SUCLA2: variants seen among roughly 807,000 people sequenced by gnomAD.
The protein encoded by SUCLA2 is succinate-CoA ligase ADP-forming subunit beta, also known as succinate--CoA ligase [ADP-forming] subunit beta, mitochondrial.
SUCLA2 carries 30 observed loss-of-function variants against 54.8 expected under a neutral mutation model. That is an observed-to-expected ratio of 0.55 (90% CI 0.41 to 0.74). The LOEUF is 0.74. Among genes scored for constraint, SUCLA2 ranks in the 30% least tolerant of loss-of-function variants. The pLI, the probability that SUCLA2 is intolerant of heterozygous loss-of-function variation, is 0.00. For missense variants in SUCLA2, 476 were observed against 562.9 expected (o/e 0.85, Z 1.56); for synonymous variants, 172 against 188.9 (o/e 0.91, Z 0.74).
At chr13:47,949,261 AC>A (rs1441619676) in intron 9 of SUCLA2, among the ~76,000 whole-genome samples, 1 of 152,238 alleles carries the variant, frequency 6.6e-6, no homozygotes, top group Non-Finnish European at 1.5e-5. Flanking sequence ...AGAATTCAAG[AC>A]AAATCACAAC....
At chr13:47,951,830 G>A (rs549493494) in intron 8 of SUCLA2, among the ~76,000 whole-genome samples, 186 of 151,876 alleles carry the variant, frequency 1.2e-3, no homozygotes, top group African/African-American at 3.4e-3. Flanking sequence ...CACCCCTCTA[G>A]CTACATTCAC....
chr13:48,000,855 C>A, intron 1 of SUCLA2: 1 of 1,173,416 alleles, frequency 8.5e-7, no homozygotes, highest in Non-Finnish European at 1.1e-6. Context: ...TGCCAGACGC[C>A]GGAATGGCAG....
intron 4 of SUCLA2, 162 bp downstream of exon 4, chr13:47,988,376 TAAA>T (rs1950121476): frequency 1.4e-6 from 1 of 737,880 alleles, no homozygotes; most frequent in Non-Finnish European, 2.1e-6. Context: ...TTTACGGCAT[TAAA>T]GAAGCTGTTT....
intron 1 of SUCLA2, among the ~76,000 whole-genome samples, chr13:47,997,833 T>C (rs1250545531): frequency 6.6e-6 from 1 of 152,242 alleles, no homozygotes; most frequent in Non-Finnish European, 1.5e-5. Flanking sequence ...AGTAGGTTCA[T>C]AAGCTTTTGC....
intron 10 of SUCLA2, among the ~76,000 whole-genome samples, chr13:47,943,781 T>TATATATATATATATATA (rs879516106): frequency 2.0e-5 from 3 of 147,584 alleles, no homozygotes; most frequent in African/African-American, 5.0e-5. Context: ...TATATATATA[T>TATATATATATATATATA]TATTCTAAAT....
chr13:47,957,871 C>G (rs1949834577), intron 6 of SUCLA2, among the ~76,000 whole-genome samples: 1 of 152,172 alleles, frequency 6.6e-6, no homozygotes, highest in African/African-American at 2.4e-5. Context: ...GAGGAAGCAC[C>G]TCAAGTGTGT....
At position 47,973,574 on chromosome 13, in the gene SUCLA2, T is replaced by G. The variant is rs529900638; in HGVS notation, c.535-182A>C. Among the ~76,000 whole-genome samples the G allele has an allele frequency of 2.6e-5, 4 of 152,188 alleles. No individual in the cohort carries two copies. In the East Asian group the frequency reaches 7.7e-4, roughly 29 times the overall value. ...CAGTGCCCTCTTATAAATATTCAATTAAAGCAATGGATAAAAAAGTAAAAA... is the reference window on the plus strand; with the variant it reads ...CAGTGCCCTCTTATAAATATTCAATGAAAGCAATGGATAAAAAAGTAAAAA... On this transcript the variant is annotated intron_variant, in intron 4 of 10. Transcript: ENST00000646932.
chr13:47,996,730 A>G, intron 2 of SUCLA2, 113 bp downstream of exon 2: 1 of 938,664 alleles, frequency 1.1e-6, no homozygotes, highest in Non-Finnish European at 1.6e-6. Flanking sequence ...TTAAGCAAAG[A>G]AAATGTATTT....
At chr13:47,957,526 C>G (rs1163399789) in intron 6 of SUCLA2, among the ~76,000 whole-genome samples, 1 of 152,150 alleles carries the variant, frequency 6.6e-6, no homozygotes, top group African/African-American at 2.4e-5. Context: ...CAACCACATT[C>G]CTGATTGCCT....
At chr13:47,982,054 T>A (rs534519477) in intron 4 of SUCLA2, among the ~76,000 whole-genome samples, 1 of 152,210 alleles carries the variant, frequency 6.6e-6, no homozygotes, top group African/African-American at 2.4e-5. Flanking sequence ...CTCAAAAAAA[T>A]TAAAAATAGA....
At position 47,988,673 on chromosome 13, in the gene SUCLA2, T is replaced by C; in HGVS notation, c.402A>G (p.Gln134=). ...SPEEAKAVSS[Q]MIGKKLFTKQ... The stretch of plus-strand genomic sequence containing the variant: ...TGGTAAACAATTTTTTCCCAATCAT[T>C]TGTGAAGAAACAGCTTTTGCTTCTT... The change falls in exon 4 of 11, where the codon CAA becomes CAG. Residue 134 remains glutamine, a synonymous_variant. Transcript: ENST00000646932. 1 of 1,613,890 alleles carries C rather than the reference T, an allele frequency of 6.2e-7. No homozygotes were observed. Among genetic ancestry groups the C allele is most frequent in the Non-Finnish European group, 8.5e-7 (1 of 1,179,920 alleles).
intron 4 of SUCLA2, among the ~76,000 whole-genome samples, chr13:47,975,162 TTTC>T (rs1342416505): frequency 2.0e-5 from 3 of 146,768 alleles, no homozygotes; most frequent in Admixed American, 2.0e-4. Flanking sequence ...CTTTCTTTCT[TTTC>T]TTTTTTTTTT....
In SUCLA2 at chr13:47,973,487, A is replaced by G. The variant is rs1949984849; in HGVS notation, c.535-95T>C. On this transcript the variant is annotated intron_variant, in intron 4 of 10. Transcript: ENST00000646932. The stretch of plus-strand genomic sequence containing the variant: ...CCCGTGCATAATATCAGATGTAAGC[A>G]TCTATTACTCTCTACCCACATTTTA... 2.2e-6 allele frequency: 3 copies of G among 1,383,140 alleles called. No homozygotes were observed. The South Asian group carries it at 3.5e-5, about 16-fold the overall frequency. 85.7% of individuals were successfully genotyped at this position (1,383,140 alleles called of 1,614,324 possible).
At chr13:47,962,136 G>C (rs779034947) in intron 6 of SUCLA2, among the ~76,000 whole-genome samples, 2 of 151,922 alleles carry the variant, frequency 1.3e-5, no homozygotes, top group East Asian at 3.9e-4. Flanking sequence ...TCTTTTGTTT[G>C]TTTTTTGTTT....
chr13:47,989,171 G>C (rs977493604), intron 2 of SUCLA2, among the ~76,000 whole-genome samples, 190 bp from the exon 3 acceptor site: 3 of 151,582 alleles, frequency 2.0e-5, no homozygotes, highest in African/African-American at 7.3e-5. Flanking sequence ...CTGTCTAAAA[G>C]GCCCACAATT....
chr13:47,999,743 TA>T (rs1950216031), intron 1 of SUCLA2, among the ~76,000 whole-genome samples: 1 of 151,736 alleles, frequency 6.6e-6, no homozygotes, highest in South Asian at 2.1e-4. Flanking sequence ...AACAAATTGC[TA>T]AATTAAATGT....
intron 6 of SUCLA2, among the ~76,000 whole-genome samples, chr13:47,957,581 A>G (rs1350007007): frequency 2.0e-5 from 3 of 152,206 alleles, no homozygotes; most frequent in Non-Finnish European, 4.4e-5. Context: ...GATATAGGTA[A>G]GTGTCCCTTA....
chr13:47,988,148 C>A lies in SUCLA2; in HGVS notation c.534+393G>T. 3.6e-5 allele frequency: 7 copies of A among 193,828 alleles called. No homozygotes were observed. The South Asian group carries it at 5.4e-4, about 15-fold the overall frequency. 12.0% of individuals were successfully genotyped at this position (193,828 alleles called of 1,614,324 possible). A position where few individuals can be genotyped will look rare whatever the true frequency, so the allele number is the denominator to read the frequency against. ...AAACAAACCCAAGAAGTTGAGAAAACAGAAGATGAGGCAATGGATACACAT... is the reference window on the plus strand; with the variant it reads ...AAACAAACCCAAGAAGTTGAGAAAAAAGAAGATGAGGCAATGGATACACAT... On this transcript the variant is annotated intron_variant, in intron 4 of 10. Coordinates refer to ENST00000646932, the MANE Select transcript of SUCLA2 (RefSeq NM_003850.3).
chr13:47,999,787 C>T (rs940770258), intron 1 of SUCLA2, among the ~76,000 whole-genome samples: 1 of 151,590 alleles, frequency 6.6e-6, no homozygotes, highest in Non-Finnish European at 1.5e-5. Context: ...AGACTCCGTA[C>T]TTCTATGTCC....
Sources: allele counts gnomAD v4.1 joint callset (sites outside exome capture counted in the v4.1 genomes callset), GRCh38; gene constraint gnomAD v4.1.1; transcripts MANE v1.5; gene names NCBI Gene and HGNC (gene_info 2026-07-23, HGNC 2026-07-21).